The following ALPK3 variants were observed in gnomAD, a reference collection of about 807,000 sequenced individuals.
ALPK3 encodes the protein alpha-protein kinase 3.
A neutral mutation model predicts 140.0 loss-of-function variants in ALPK3; 102 were observed. The ratio of observed to expected loss-of-function variants is 0.73; its 90% CI spans 0.62 to 0.86. The LOEUF is 0.86. ALPK3 is among the 40% of genes least tolerant of loss of function. The pLI is 0.00. For synonymous variants in ALPK3, 938 were observed against 898.5 expected (o/e 1.04, Z -0.79); for missense variants, 2,254 against 2,208.2 (o/e 1.02, Z -0.42).
chr15:84,833,997 G>A (rs553182435), intron 3 of ALPK3, among the ~76,000 whole-genome samples: 188 of 148,108 alleles, frequency 1.3e-3, no homozygotes, highest in African/African-American at 4.5e-3. Flanking sequence ...GTTTGCATGT[G>A]GGTGCACATG....
chr15:84,828,996 A>G (rs1048290872), intron 3 of ALPK3, among the ~76,000 whole-genome samples: 2 of 152,328 alleles, frequency 1.3e-5, no homozygotes, highest in Admixed American at 1.3e-4. Flanking sequence ...AAAGTCCTTA[A>G]TCCTTCTTTT....
chr15:84,847,417 A>G lies in ALPK3; in HGVS notation c.1653+6485A>G, dbSNP rs893559294. Among the ~76,000 whole-genome samples the G allele has an allele frequency of 2.0e-5, 3 of 152,246 alleles. No homozygotes were observed. In the South Asian group the frequency reaches 6.2e-4, roughly 31 times the overall value. The stretch of plus-strand genomic sequence containing the variant: ...AACTTTCAAAATTTGGCAAAAGTCA[A>G]GAAGTTCAGCAAACCCTAAACAGGA... On this transcript the variant is annotated intron_variant, in intron 5 of 13. Transcript: ENST00000258888.
chr15:84,840,825 G>A lies in ALPK3; in HGVS notation c.1546G>A (p.Ala516Thr), dbSNP rs762813855. 4 of 1,614,222 alleles carry A rather than the reference G, an allele frequency of 2.5e-6. No homozygotes were observed. The highest frequency in any genetic ancestry group is 3.4e-6 in the Non-Finnish European group (4 of 1,180,034). The change falls in exon 5 of 14, where the codon GCC becomes ACC. Residue 516 changes from alanine to threonine, a missense_variant. Transcript: ENST00000258888. ...ATGCGGGGCCCAGAGCTTAGGAAAG[G>A]CCCCACCTCAGGCCTCTGTGCAGGT... ...PECGAQSLGK[A>T]PPQASVQVPT...
At chr15:84,861,710 G>A (rs889564188) in intron 9 of ALPK3, among the ~76,000 whole-genome samples, 3 of 152,054 alleles carry the variant, frequency 2.0e-5, no homozygotes, top group African/African-American at 4.8e-5. Flanking sequence ...ATCCCAATAC[G>A]TTAAGTTCCA....
Position 84,827,536 on chromosome 15 carries a change from T to C in ALPK3, c.235T>C (p.Phe79Leu), listed in dbSNP as rs933537644. 4 of 1,614,090 alleles carry C rather than the reference T, an allele frequency of 2.5e-6. No homozygotes were observed. The African/African-American group carries it at 5.3e-5, about 22-fold the overall frequency. The change falls in exon 3 of 14, where the codon TTT becomes CTT. Residue 79 changes from phenylalanine to leucine, a missense_variant. Transcript: ENST00000258888. ...GCTCACAGAGGAGACCCAGCCGCTA[T>C]TTGAGACCACGCTCAAGTCCCGGTC... ...AQLTEETQPLFETTLKSRSVS... is the reference protein window; with the variant it reads ...AQLTEETQPLLETTLKSRSVS...
Position 84,856,687 on chromosome 15 carries a change from G to A in ALPK3, c.1949G>A (p.Arg650Lys), listed in dbSNP as rs1307241560. ...QVDAGTQESK[R>K]PQSDRSAQKG... Reference sequence around the variant, plus strand: ...GATGCTGGGACACAAGAAAGCAAGAGGCCACAGTCAGACAGGAGTGCACAG... The same window carrying A: ...GATGCTGGGACACAAGAAAGCAAGAAGCCACAGTCAGACAGGAGTGCACAG... The change falls in exon 6 of 14, where the codon AGG becomes AAG. Residue 650 changes from arginine (R) to lysine (K), a missense_variant. Physicochemically the swap from Arg to Lys is conservative, Grantham distance 26 (BLOSUM62 2). Coordinates refer to ENST00000258888, the MANE Select transcript of ALPK3 (RefSeq NM_020778.5). 4 of 1,613,944 alleles carry A rather than the reference G, an allele frequency of 2.5e-6. No homozygotes were observed. The highest frequency in any genetic ancestry group is 3.4e-6 in the Non-Finnish European group (4 of 1,180,024).
At chr15:84,823,233 C>T in intron 1 of ALPK3, 97 bp from the exon 2 acceptor site, 6 of 1,411,632 alleles carry the variant, frequency 4.3e-6, no homozygotes, top group Non-Finnish European at 6.0e-6. Context: ...GCTTCTGGGC[C>T]CCAGATGGTG....
At chr15:84,855,111 T>C (rs2141566316) in intron 5 of ALPK3, among the ~76,000 whole-genome samples, 1 of 152,352 alleles carries the variant, frequency 6.6e-6, no homozygotes, top group East Asian at 1.9e-4. Flanking sequence ...GAGATCTGCC[T>C]CCATTCCATC....
chr15:84,839,628 G>T (rs1963632584), intron 4 of ALPK3, 74 bp from the exon 5 acceptor site: 12 of 1,498,228 alleles, frequency 8.0e-6, no homozygotes, highest in Non-Finnish European at 9.8e-6. Context: ...GGCTCTGAAC[G>T]GCTCTGGCTG....
intron 5 of ALPK3, among the ~76,000 whole-genome samples, chr15:84,849,931 G>A (rs1963781849): frequency 6.7e-6 from 1 of 149,280 alleles, no homozygotes; most frequent in African/African-American, 2.5e-5. Context: ...GAAAATTATG[G>A]AGAAAATAAA....
intron 1 of ALPK3, among the ~76,000 whole-genome samples, chr15:84,821,690 C>T (rs1963425575): frequency 6.6e-6 from 1 of 152,102 alleles, no homozygotes; most frequent in Admixed American, 6.5e-5. Flanking sequence ...TCTCTCCCTC[C>T]CCCAGGTCCC....
In ALPK3 at chr15:84,822,766, C is replaced by G. The variant is rs143706500; in HGVS notation, c.144-564C>G. Among the ~76,000 whole-genome samples the G allele has an allele frequency of 3.4e-3, 519 of 152,312 alleles. 5 individuals carry two copies. The highest frequency in any genetic ancestry group is 0.011 in the African/African-American group (476 of 41,574). On this transcript the variant is annotated intron_variant, in intron 1 of 13. Transcript: ENST00000258888. ...TGTGGACCATGGAGCTGGGTGCCTC[C>G]CAGCTCCTGCTGAATTAACTGCCTT...
Position 84,864,487 on chromosome 15 carries a change from A to G in ALPK3, c.4545A>G (p.Pro1515=). ...TCTACCGGCCTGCAAACAATATCCC[A>G]TATGCTACCCTGGAGGAAGACCTGG... ...YLIYRPANNI[P]YATLEEDLGK... Residue 1515 remains proline (P), a synonymous_variant, in exon 12 of 14, where the codon CCA becomes CCG. Transcript: ENST00000258888. 2 of 1,614,044 alleles carry G rather than the reference A, an allele frequency of 1.2e-6. No homozygotes were observed. Among genetic ancestry groups the G allele is most frequent in the South Asian group, 2.2e-5 (2 of 91,070 alleles).
rs1244214514 is a variant in ALPK3, at chr15:84,868,931, G to A, written c.*475G>A. The A allele has an allele frequency of 2.9e-5, 5 of 170,792 alleles. No homozygotes were observed. The highest frequency in any genetic ancestry group is 5.5e-5 in the Admixed American group (1 of 18,270). The allele number at this position is 170,792 out of a possible 1,614,324, so 10.6% of individuals were successfully genotyped here. A position where few individuals can be genotyped will look rare whatever the true frequency, so the allele number is the denominator to read the frequency against. On this transcript the variant is annotated 3_prime_UTR_variant, in exon 14 of 14. Transcript: ENST00000258888. ...TCAGGGATCCAGACTTCCTCTGCTG[G>A]TCTGGCCTGGTGACTCTCAGGGTAT...
chr15:84,826,493 C>T (rs1021350177), intron 2 of ALPK3, among the ~76,000 whole-genome samples: 3 of 152,204 alleles, frequency 2.0e-5, no homozygotes, highest in African/African-American at 4.8e-5. Context: ...GCTTGTGCAC[C>T]ACACAACCTG....
chr15:84,866,054 A>G (rs1459917139), intron 12 of ALPK3, among the ~76,000 whole-genome samples: 2 of 152,206 alleles, frequency 1.3e-5, no homozygotes, highest in Non-Finnish European at 2.9e-5. Flanking sequence ...AGGTCATTCA[A>G]TCTCTCTGAG....
At position 84,840,010 on chromosome 15, in the gene ALPK3, G is replaced by T. The variant is rs1398782437; in HGVS notation, c.731G>T (p.Gly244Val). The stretch of plus-strand genomic sequence containing the variant: ...TCGGTCCCTACCAGGGAGCCTGAGG[G>T]TGGGACCCTGGCGGCTTGGCAGGAG... Reference protein sequence around the residue: ...GPSVPTREPEGGTLAAWQEGE... With the variant: ...GPSVPTREPEVGTLAAWQEGE... The change falls in exon 5 of 14, where the codon GGT becomes GTT. Residue 244 changes from glycine (G) to valine (V), a missense_variant. By Grantham distance (109) the Gly-to-Val change is moderately radical. Around this residue, in one of 3 missense-constraint regions of ALPK3, gnomAD observed 2,088 missense variants for 2,022.9 expected, o/e 1.03. Transcript: ENST00000258888. 1 of 1,613,866 alleles carries T rather than the reference G, an allele frequency of 6.2e-7. No individual in the cohort carries two copies. The highest frequency in any genetic ancestry group is 8.5e-7 in the Non-Finnish European group (1 of 1,179,872).
At position 84,868,179 on chromosome 15, in the gene ALPK3, A is replaced by G. The variant is rs369329091; in HGVS notation, c.4841A>G (p.Asn1614Ser). The part of the protein sequence containing the change: ...LDRFASSHQC[N>S]AYCELLGLTP... Reference sequence around the variant, plus strand: ...CGGTTCGCCTCCTCCCACCAGTGCAATGCCTACTGTGAGCTGCTGGGGCTG... The same window carrying G: ...CGGTTCGCCTCCTCCCACCAGTGCAGTGCCTACTGTGAGCTGCTGGGGCTG... The change falls in exon 14 of 14, where the codon AAT (asparagine) becomes AGT (serine). Residue 1614 changes from asparagine (N) to serine (S), a missense_variant. Coordinates refer to ENST00000258888, the MANE Select transcript of ALPK3 (RefSeq NM_020778.5). 2 of 1,613,926 alleles carry G rather than the reference A, an allele frequency of 1.2e-6. No individual in the cohort carries two copies. Among genetic ancestry groups the G allele is most frequent in the Non-Finnish European group, 1.7e-6 (2 of 1,179,986 alleles).
intron 1 of ALPK3, 114 bp downstream of exon 1, chr15:84,817,709 C>G: frequency 7.8e-7 from 1 of 1,287,058 alleles, no homozygotes; most frequent in Non-Finnish European, 1.0e-6. Flanking sequence ...CTCGAGCCCT[C>G]TCAGCCCCAA....
Sources: gnomAD v4.1 joint callset for allele counts (sites outside exome capture counted in the v4.1 genomes callset) on GRCh38, gnomAD v4.1.1 for gene constraint, gnomAD v4.1.1 regional missense constraint, MANE v1.5 for transcripts, NCBI Gene and HGNC (gene_info 2026-07-23, HGNC 2026-07-21) for gene names.